MAP3K13: variants seen among roughly 807,000 people sequenced by gnomAD.
The protein encoded by MAP3K13 is leucine zipper-bearing kinase.
MAP3K13 carries 52 observed loss-of-function variants against 104.0 expected under a neutral mutation model. The observed-to-expected ratio is 0.50, with a 90% CI of 0.40 to 0.63. The LOEUF (loss-of-function observed/expected upper bound fraction) is 0.63. MAP3K13 is among the 20% of genes least tolerant of loss of function. The pLI is 0.00. For missense variants in MAP3K13, 914 were observed against 1,218.5 expected (o/e 0.75, Z 3.72); for synonymous variants, 394 against 442.2 (o/e 0.89, Z 1.37).
At chr3:185,449,731 ATTT>A (rs11322943) in intron 5 of MAP3K13, among the ~76,000 whole-genome samples, 166 bp from the exon 6 acceptor site, 2 of 144,512 alleles carry the variant, frequency 1.4e-5, no homozygotes, top group African/African-American at 2.5e-5. Flanking sequence ...CCCCACATAG[ATTT>A]TTTTTTTTTT....
At position 185,327,970 on chromosome 3, in the gene MAP3K13, G is replaced by A. The variant is rs551588549; in HGVS notation, c.-86+42327G>A. Among the ~76,000 whole-genome samples the A allele has an allele frequency of 2.1e-5, 3 of 142,506 alleles. No individual in the cohort carries two copies. In the South Asian group the frequency reaches 7.6e-4, roughly 36 times the overall value. The allele number at this position is 142,506 out of a possible 152,430, so 93.5% of individuals were successfully genotyped here. A position where few individuals can be genotyped will look rare whatever the true frequency, so the allele number is the denominator to read the frequency against. ...AGGAAGGAGGGAGGGAGGGAGGGAA[G>A]AAAGGAAGGAAAGAAGGGGGAAGGA... On this transcript the variant is annotated intron_variant, in intron 2 of 14. Coordinates refer to the MAP3K13 transcript ENST00000424227.
rs142613579 is a variant in MAP3K13, at chr3:185,335,653, A to G, written c.-86+50010A>G. 7.9e-4 allele frequency among the ~76,000 whole-genome samples: 121 copies of G among 152,334 alleles called. No individual in the cohort carries two copies. In the East Asian group the frequency reaches 0.021, roughly 27 times the overall value. Reference sequence around the variant, plus strand: ...CAGATTCCTTATATAAAACCTATGTAACCTATGCACATCCTCTCATATACT... The same window carrying G: ...CAGATTCCTTATATAAAACCTATGTGACCTATGCACATCCTCTCATATACT... On this transcript the variant is annotated intron_variant, in intron 2 of 14. Transcript: ENST00000424227.
intron 4 of MAP3K13, 63 bp downstream of exon 4, chr3:185,443,699 T>C: frequency 7.1e-7 from 1 of 1,413,868 alleles, no homozygotes; most frequent in East Asian, 2.3e-5. Flanking sequence ...AGAATTTTTA[T>C]CAACCTCAGT....
chr3:185,434,649 T>G (rs1451485132), intron 2 of MAP3K13, among the ~76,000 whole-genome samples: 2 of 152,180 alleles, frequency 1.3e-5, no homozygotes, highest in African/African-American at 4.8e-5. Flanking sequence ...CTGCCATTTT[T>G]ACACAGCTGT....
chr3:185,455,832 G>T (rs1222652659), intron 7 of MAP3K13, among the ~76,000 whole-genome samples: 1 of 110,212 alleles, frequency 9.1e-6, no homozygotes, highest in East Asian at 2.6e-4. Flanking sequence ...ATATATATGA[G>T]ATATATATAT....
At chr3:185,361,096 A>ATG (rs1378977342), upstream of MAP3K13, among the ~76,000 whole-genome samples, 14 of 56,218 alleles carry the variant, frequency 2.5e-4, no homozygotes, top group African/African-American at 5.5e-4. Flanking sequence ...GTATATATAT[A>ATG]TATGTGTGTG....
At chr3:185,360,214 T>A (rs1047438416), upstream of MAP3K13, among the ~76,000 whole-genome samples, 5 of 152,218 alleles carry the variant, frequency 3.3e-5, no homozygotes, top group African/African-American at 1.2e-4. Context: ...GGACTTGGCT[T>A]GATATCTCTA....
rs1406423525 is a variant in MAP3K13, at chr3:185,434,849, A to G, written c.476-2598A>G. On this transcript the variant is annotated intron_variant, in intron 2 of 13. Transcript: ENST00000265026. ...AATTTTAGTAGTTATTTTATTAAAA[A>G]TTAGGGTAATTTGGGCTTGTGTAAA... Among the ~76,000 whole-genome samples, 4 of 152,312 alleles carry G rather than the reference A, an allele frequency of 2.6e-5. No individual in the cohort carries two copies. In the East Asian group the frequency reaches 5.8e-4, roughly 22 times the overall value.
At chr3:185,471,576 C>T (rs2148921627) in intron 10 of MAP3K13, among the ~76,000 whole-genome samples, 1 of 150,158 alleles carries the variant, frequency 6.7e-6, no homozygotes, top group South Asian at 2.1e-4. Context: ...TCTCCTGCCT[C>T]AGCCCCCTGA....
intron 1 of MAP3K13, among the ~76,000 whole-genome samples, chr3:185,414,446 G>A (rs1713628298): frequency 6.6e-6 from 1 of 152,170 alleles, no homozygotes; most frequent in Admixed American, 6.6e-5. Context: ...AAACTTATGA[G>A]ACTTAGTTGT....
chr3:185,340,040 G>T (rs564315913), intron 2 of MAP3K13, among the ~76,000 whole-genome samples: 62 of 151,684 alleles, frequency 4.1e-4, no homozygotes, highest in African/African-American at 1.4e-3. Flanking sequence ...TGGAGGGGAG[G>T]TGTCTTATTG....
intron 2 of MAP3K13, among the ~76,000 whole-genome samples, chr3:185,353,170 TA>T (rs1396134513): frequency 6.6e-6 from 1 of 152,174 alleles, no homozygotes; most frequent in East Asian, 1.9e-4. Flanking sequence ...GTGTTTATAG[TA>T]AAGAGATGAC....
intron 2 of MAP3K13, among the ~76,000 whole-genome samples, chr3:185,354,750 T>G (rs1056902404): frequency 2.6e-5 from 4 of 151,494 alleles, no homozygotes; most frequent in African/African-American, 4.9e-5. Flanking sequence ...TCTACCCCAC[T>G]AATTTAACAT....
intron 2 of MAP3K13, among the ~76,000 whole-genome samples, chr3:185,322,284 G>A (rs1055179751): frequency 1.3e-5 from 2 of 152,164 alleles, no homozygotes; most frequent in Non-Finnish European, 2.9e-5. Flanking sequence ...TCTGGGTTCC[G>A]TTTAGGCTTC....
chr3:185,373,629 G>C (rs1378596008), intron 1 of MAP3K13, among the ~76,000 whole-genome samples: 4 of 152,192 alleles, frequency 2.6e-5, no homozygotes, highest in Admixed American at 6.5e-5. Flanking sequence ...GTGACAGAGA[G>C]AGCCTCCATT....
At chr3:185,451,614 G>A (rs537980604) in intron 7 of MAP3K13, 12 of 389,850 alleles carry the variant, frequency 3.1e-5, no homozygotes, top group Middle Eastern at 7.9e-4. Flanking sequence ...CGTGTTGGCC[G>A]GGTGCACTTT....
chr3:185,395,459 C>T (rs1430302350), intron 1 of MAP3K13, among the ~76,000 whole-genome samples: 2 of 99,000 alleles, frequency 2.0e-5, no homozygotes, highest in Admixed American at 1.1e-4. Context: ...CCCGGGTTCA[C>T]GCCATTCTCC....
chr3:185,468,890 A>G (rs1044685429), intron 10 of MAP3K13, among the ~76,000 whole-genome samples: 1 of 152,226 alleles, frequency 6.6e-6, no homozygotes, highest in Admixed American at 6.5e-5. Context: ...CCTTCTGCCT[A>G]CAGTTAAAAC....
At chr3:185,469,886 C>T (rs1485687050) in intron 10 of MAP3K13, among the ~76,000 whole-genome samples, 1 of 152,186 alleles carries the variant, frequency 6.6e-6, no homozygotes, top group Non-Finnish European at 1.5e-5. Context: ...CTGGATTCTA[C>T]CACTAATGAG....
Sources: allele counts gnomAD v4.1 joint callset (sites outside exome capture counted in the v4.1 genomes callset), GRCh38; gene constraint gnomAD v4.1.1; transcripts MANE v1.5; gene names NCBI Gene and HGNC (gene_info 2026-07-23, HGNC 2026-07-21).